ZNF892: variants seen among roughly 807,000 people sequenced by gnomAD.
ZNF892 encodes zinc finger protein 892, also known as zinc finger protein 570-like.
chr2:95,259,197 C>A, the ZNF892 span: 1 of 152,360 alleles, frequency 6.6e-6, no homozygotes, highest in Non-Finnish European at 1.5e-5. Context: ...ATCAGAGTGC[C>A]CTCGTTGCAT....
chr2:95,207,875 G>GAGGGAGAA, the ZNF892 span: 6 of 398,626 alleles, frequency 1.5e-5, no homozygotes, highest in South Asian at 5.1e-4. Context: ...GCCCGCTGCA[G>GAGGGAGAA]AGGGAGAAAG....
the ZNF892 span, among the ~76,000 whole-genome samples, chr2:95,250,479 T>C: frequency 6.7e-6 from 1 of 150,200 alleles, no homozygotes; most frequent in South Asian, 2.1e-4. Context: ...CTTATAATAA[T>C]AAGCATTTAT....
At chr2:95,213,476 A>G in the ZNF892 span, among the ~76,000 whole-genome samples, 3 of 152,334 alleles carry the variant, frequency 2.0e-5, no homozygotes, top group East Asian at 5.8e-4. Context: ...TCAAATTCTT[A>G]CTAGGAAGCC....
At chr2:95,215,013 C>G in the ZNF892 span, 1 of 506,768 alleles carries the variant, frequency 2.0e-6, no homozygotes, top group Non-Finnish European at 3.6e-6. Flanking sequence ...TCAGCGAATT[C>G]ATACTGGAGA....
chr2:95,214,990 ACCTC>A, the ZNF892 span: 1 of 498,522 alleles, frequency 2.0e-6, no homozygotes, highest in Non-Finnish European at 3.6e-6. Context: ...CAGAGTTCAT[ACCTC>A]ACTCAACATC....
At chr2:95,227,658 C>G in the ZNF892 span, among the ~76,000 whole-genome samples, 1 of 152,022 alleles carries the variant, frequency 6.6e-6, no homozygotes, top group African/African-American at 2.4e-5. Context: ...GCTCTGTTGC[C>G]CAGGCTGAAG....
At chr2:95,250,173 C>G in the ZNF892 span, among the ~76,000 whole-genome samples, 1 of 151,950 alleles carries the variant, frequency 6.6e-6, no homozygotes, top group Non-Finnish European at 1.5e-5. Flanking sequence ...TTTATTGCAG[C>G]AGTTGGCATA....
At chr2:95,214,941 A>G in the ZNF892 span, 1 of 500,116 alleles carries the variant, frequency 2.0e-6, no homozygotes, top group South Asian at 5.1e-5. Context: ...TACTGGAGAA[A>G]AACCCTATGA....
chr2:95,238,228 C>G, the ZNF892 span, among the ~76,000 whole-genome samples: 3 of 152,306 alleles, frequency 2.0e-5, no homozygotes, highest in Middle Eastern at 3.4e-3. Context: ...CTTGTTAGGG[C>G]TAATGCAGCT....
At chr2:95,262,702 G>A in the ZNF892 span, among the ~76,000 whole-genome samples, 2 of 152,134 alleles carry the variant, frequency 1.3e-5, no homozygotes, top group Non-Finnish European at 2.9e-5. Context: ...TGGTGCTGCC[G>A]GGACAGCCCT....
At chr2:95,245,584 G>A in the ZNF892 span, among the ~76,000 whole-genome samples, 232 of 126,000 alleles carry the variant, frequency 1.8e-3, no homozygotes, top group South Asian at 4.1e-3. Context: ...CTGGTTTTTT[G>A]AAAAAAAAAA....
chr2:95,245,441 T>A, the ZNF892 span, among the ~76,000 whole-genome samples: 2 of 48,968 alleles, frequency 4.1e-5, no homozygotes, highest in Non-Finnish European at 3.5e-5. Context: ...TATTTTTTAG[T>A]AGAGACGGCG....
the ZNF892 span, among the ~76,000 whole-genome samples, chr2:95,211,466 A>T: frequency 6.6e-6 from 1 of 152,306 alleles, no homozygotes; most frequent in East Asian, 1.9e-4. Flanking sequence ...TTCACCAGAG[A>T]ATCTTAGTAC....
the ZNF892 span, chr2:95,207,443 T>C: frequency 5.5e-6 from 1 of 181,060 alleles, no homozygotes. Context: ...CGGGAGCAGG[T>C]GGCCGCAGGG....
the ZNF892 span, among the ~76,000 whole-genome samples, chr2:95,255,205 TG>T: frequency 6.6e-6 from 1 of 152,332 alleles, no homozygotes; most frequent in African/African-American, 2.4e-5. Flanking sequence ...TGCTTTCTCT[TG>T]TGGGCATTTA....
chr2:95,207,868 C>T, the ZNF892 span: 3 of 398,654 alleles, frequency 7.5e-6, no homozygotes, highest in Non-Finnish European at 1.3e-5. Context: ...CCTTGGTGCC[C>T]GCTGCAGAGG....
chr2:95,211,497 A>G, the ZNF892 span: 1 of 394,184 alleles, frequency 2.5e-6, no homozygotes, highest in African/African-American at 2.1e-5. Context: ...GGCCAAGGCC[A>G]TGTTGTCTGT....
At chr2:95,245,577 G>A in the ZNF892 span, among the ~76,000 whole-genome samples, 7 of 67,604 alleles carry the variant, frequency 1.0e-4, no homozygotes, top group African/African-American at 5.0e-4. Flanking sequence ...CCTGGAGCTG[G>A]TTTTTTGAAA....
the ZNF892 span, chr2:95,214,484 T>C: frequency 5.0e-6 from 2 of 398,470 alleles, no homozygotes; most frequent in Non-Finnish European, 8.8e-6. Context: ...AGGAAAACCA[T>C]GAGAAACATT....
Sources: allele counts gnomAD v4.1 joint callset (sites outside exome capture counted in the v4.1 genomes callset), GRCh38; gene constraint gnomAD v4.1.1; transcripts MANE v1.5; gene names NCBI Gene and HGNC (gene_info 2026-07-23, HGNC 2026-07-21).